The following PRKN variants were observed in gnomAD, a reference collection of about 807,000 sequenced individuals.
PRKN encodes the protein parkin RBR E3 ubiquitin protein ligase.
PRKN carries 56 observed loss-of-function variants against 59.5 expected under a neutral mutation model. The observed-to-expected ratio is 0.94, with a 90% CI of 0.76 to 1.18. PRKN has a LOEUF of 1.18. Among genes scored for constraint, PRKN ranks in the 50% most tolerant of loss-of-function variants. The probability of loss-of-function intolerance (pLI) is 0.00; values close to 1 mark genes in which losing one functional copy is unlikely to be tolerated. For missense variants in PRKN, 657 were observed against 596.4 expected (o/e 1.10, Z -1.06); for synonymous variants, 250 against 222.1 (o/e 1.13, Z -1.12).
intron 6 of PRKN, among the ~76,000 whole-genome samples, chr6:161,822,368 T>C (rs772114658): frequency 6.6e-6 from 1 of 152,212 alleles, no homozygotes; most frequent in Non-Finnish European, 1.5e-5. Flanking sequence ...GGCATGCATC[T>C]TGGACGATGA....
chr6:162,123,400 A>G (rs1332718975), intron 4 of PRKN, among the ~76,000 whole-genome samples: 1 of 152,224 alleles, frequency 6.6e-6, no homozygotes, highest in Non-Finnish European at 1.5e-5. Context: ...GATGTTATAA[A>G]CAAATATAAA....
chr6:162,387,553 CACAGAGAGAGAGAGAGAGAG>C (rs1336992068), intron 2 of PRKN, among the ~76,000 whole-genome samples: 11 of 80,264 alleles, frequency 1.4e-4, no homozygotes, highest in South Asian at 4.5e-4. Context: ...CACACACACA[CACAGAGAGAGAGAGAGAGAG>C]AGAGAGAGAG....
chr6:162,246,421 G>A (rs1042488813), intron 3 of PRKN, among the ~76,000 whole-genome samples: 1 of 152,118 alleles, frequency 6.6e-6, no homozygotes, highest in Non-Finnish European at 1.5e-5. Context: ...ACAAAAAATA[G>A]ATTTTGGTTG....
chr6:162,511,197 A>T (rs531782082), intron 1 of PRKN, among the ~76,000 whole-genome samples: 1 of 151,638 alleles, frequency 6.6e-6, no homozygotes, highest in African/African-American at 2.4e-5. Flanking sequence ...CTAATTTAAT[A>T]TTACTTTTTT....
At chr6:162,243,336 A>G (rs1779068893) in intron 3 of PRKN, among the ~76,000 whole-genome samples, 1 of 152,164 alleles carries the variant, frequency 6.6e-6, no homozygotes, top group Admixed American at 6.6e-5. Context: ...ATCAAATTAC[A>G]TTCAAGGACT....
At chr6:161,797,732 G>C (rs1790910740) in intron 6 of PRKN, among the ~76,000 whole-genome samples, 1 of 152,204 alleles carries the variant, frequency 6.6e-6, no homozygotes, top group African/African-American at 2.4e-5. Flanking sequence ...GGTATCATTA[G>C]ATGAGTTCAG....
Position 161,419,620 on chromosome 6 carries a change from T to G in PRKN, c.1084-32743A>C, listed in dbSNP as rs1040877451. Among the ~76,000 whole-genome samples, 1 of 151,750 alleles carries G rather than the reference T, an allele frequency of 6.6e-6. No homozygotes were observed. Among genetic ancestry groups the G allele is most frequent in the African/African-American group, 2.4e-5 (1 of 41,300 alleles). ...CCAGGCTGGTCTCAAACTCCTGACCTCAAGTGATCTGCCCACCTCTGCCTC... is the reference window on the plus strand; with the variant it reads ...CCAGGCTGGTCTCAAACTCCTGACCGCAAGTGATCTGCCCACCTCTGCCTC... On this transcript the variant is annotated intron_variant, in intron 9 of 11. Coordinates refer to ENST00000366898, the MANE Select transcript of PRKN (RefSeq NM_004562.3). This position sits in a 1 kb window ranked among gnomAD's most constrained non-coding sequence, Gnocchi z 4.1.
At chr6:162,339,236 G>T (rs1280700113) in intron 2 of PRKN, among the ~76,000 whole-genome samples, 2 of 147,056 alleles carry the variant, frequency 1.4e-5, no homozygotes, top group Middle Eastern at 3.8e-3. Flanking sequence ...GTCCGGGAGG[G>T]AGGTGGTGGG....
At position 162,414,470 on chromosome 6, in the gene PRKN, G is replaced by A. The variant is rs374900503; in HGVS notation, c.171+28840C>T. Among the ~76,000 whole-genome samples, 25 of 151,986 alleles carry A rather than the reference G, an allele frequency of 1.6e-4. 1 individual carries two copies. The East Asian group carries it at 2.5e-3, about 15-fold the overall frequency. On this transcript the variant is annotated intron_variant, in intron 2 of 11. Coordinates refer to ENST00000366898, the MANE Select transcript of PRKN (RefSeq NM_004562.3). The stretch of plus-strand genomic sequence containing the variant: ...CACCTGTAATCCCAGCACTTTGGGA[G>A]GCCAAGGCGGCTGGATCACGAGGTC...
rs536767213 is a variant in PRKN, at chr6:162,236,395, C to T, written c.412+26130G>A. ...GAGCCTCTCCTGAGAAGAAGCTGGC[C>T]CTAGGGTAAAACCCTCTCTCATTTA... On this transcript the variant is annotated intron_variant, in intron 3 of 11. Coordinates refer to ENST00000366898, the MANE Select transcript of PRKN (RefSeq NM_004562.3). Among the ~76,000 whole-genome samples, 31 of 152,254 alleles carry T rather than the reference C, an allele frequency of 2.0e-4. 1 individual carries two copies. Among genetic ancestry groups the T allele is most frequent in the Middle Eastern group, 3.4e-3 (1 of 294 alleles).
At chr6:162,384,571 G>A (rs964843850) in intron 2 of PRKN, among the ~76,000 whole-genome samples, 1 of 150,678 alleles carries the variant, frequency 6.6e-6, no homozygotes, top group Non-Finnish European at 1.5e-5. Context: ...TAGAGATAGA[G>A]TGAGCACATG....
intron 9 of PRKN, among the ~76,000 whole-genome samples, chr6:161,522,120 G>C (rs527386629): frequency 6.6e-6 from 1 of 152,174 alleles, no homozygotes; most frequent in East Asian, 1.9e-4. Context: ...AGCCGAGTTG[G>C]TTTTCAACGT....
intron 4 of PRKN, among the ~76,000 whole-genome samples, chr6:162,111,261 C>T (rs141945486): frequency 2.6e-5 from 4 of 152,114 alleles, no homozygotes; most frequent in Non-Finnish European, 4.4e-5. Flanking sequence ...GTCAGGAGAT[C>T]GAGACCATCC....
At chr6:162,596,405 T>C (rs1351994704) in intron 1 of PRKN, among the ~76,000 whole-genome samples, 5 of 152,242 alleles carry the variant, frequency 3.3e-5, no homozygotes, top group African/African-American at 9.6e-5. Context: ...GAATAATTGT[T>C]ACCATGTGAT....
At chr6:162,295,345 A>G (rs1409360912) in intron 2 of PRKN, among the ~76,000 whole-genome samples, 1 of 152,102 alleles carries the variant, frequency 6.6e-6, no homozygotes, top group Non-Finnish European at 1.5e-5. Context: ...AGAATTTTAA[A>G]CTTTTTACTC....
At chr6:161,856,989 G>A (rs1055596695) in intron 6 of PRKN, among the ~76,000 whole-genome samples, 19 of 47,274 alleles carry the variant, frequency 4.0e-4, no homozygotes, top group Non-Finnish European at 8.5e-4. Flanking sequence ...CAGTACTTTG[G>A]GAGGCTGAGG....
chr6:162,399,348 T>C (rs1008824998), intron 2 of PRKN, among the ~76,000 whole-genome samples: 13 of 151,950 alleles, frequency 8.6e-5, no homozygotes, highest in Admixed American at 4.6e-4. Context: ...AGGAGGCAGG[T>C]GAAAATTAAT....
At chr6:162,524,050 A>C (rs2128194357) in intron 1 of PRKN, among the ~76,000 whole-genome samples, 1 of 152,008 alleles carries the variant, frequency 6.6e-6, no homozygotes, top group South Asian at 2.1e-4. Flanking sequence ...CAGATGTTTA[A>C]AAAAAAAGAA....
At chr6:162,499,598 C>T (rs62428847) in intron 1 of PRKN, among the ~76,000 whole-genome samples, 23,896 of 152,100 alleles carry the variant, frequency 0.16, 2,074 homozygotes, top group Non-Finnish European at 0.18. Flanking sequence ...TCAGGAGACC[C>T]GGACACTGTC....
Sources: gnomAD v4.1 joint callset for allele counts (sites outside exome capture counted in the v4.1 genomes callset) on GRCh38, gnomAD v4.1.1 for gene constraint, Gnocchi (gnomAD v3.1) non-coding constraint, MANE v1.5 for transcripts, NCBI Gene and HGNC (gene_info 2026-07-23, HGNC 2026-07-21) for gene names.